Variants in ELP2 observed in about 807,000 individuals in gnomAD.
The protein encoded by ELP2 is elongator complex protein 2.
Under a neutral mutation model 119.2 loss-of-function variants are expected in ELP2, and 90 were observed. That is an observed-to-expected ratio of 0.75 (90% CI 0.64 to 0.90). ELP2 has a LOEUF of 0.90. ELP2 is among the 40% of genes least tolerant of loss of function. The pLI is 0.00. For missense variants in ELP2, 921 were observed against 967.8 expected (o/e 0.95, Z 0.64); for synonymous variants, 339 against 331.0 (o/e 1.02, Z -0.26).
intron 6 of ELP2, among the ~76,000 whole-genome samples, chr18:36,141,906 G>T (rs1486597361): frequency 6.6e-6 from 1 of 151,968 alleles, no homozygotes; most frequent in Admixed American, 6.6e-5. Flanking sequence ...GCCCCGGCTG[G>T]TCTCAGTTTC....
chr18:36,168,913 C>CTTTTTTTT, intron 19 of ELP2, among the ~76,000 whole-genome samples: 1 of 69,258 alleles, frequency 1.4e-5, no homozygotes, highest in African/African-American at 6.1e-5. Context: ...CTCTCCATTT[C>CTTTTTTTT]TTTTTTTTTT....
Position 36,177,366 on chromosome 18 carries a change from A to AT in ELP2, c.*2726dup, listed in dbSNP as rs1413522339. 1 of 152,264 alleles carries AT rather than the reference A, an allele frequency of 6.6e-6. No homozygotes were observed. The highest frequency in any genetic ancestry group is 1.5e-5 in the Non-Finnish European group (1 of 68,070). The allele number at this position is 152,264 out of a possible 1,614,324, so 9.4% of individuals were successfully genotyped here. The stretch of plus-strand genomic sequence containing the variant: ...CTGACATGTGCTGCAACATGGATGA[A>AT]TCTTGAGGACATGATGCTAAGTGAA... On this transcript the variant is annotated 3_prime_UTR_variant, in exon 22 of 22. Transcript: ENST00000358232.
intron 5 of ELP2, among the ~76,000 whole-genome samples, chr18:36,140,715 A>C (rs1028685352): frequency 6.6e-6 from 1 of 152,198 alleles, no homozygotes; most frequent in Non-Finnish European, 1.5e-5. Flanking sequence ...AAGTCCTCAA[A>C]TTAACAAACA....
chr18:36,138,521 G>A, intron 4 of ELP2, 95 bp downstream of exon 4: 1 of 1,356,656 alleles, frequency 7.4e-7, no homozygotes, highest in Non-Finnish European at 1.0e-6. Flanking sequence ...TTACAACTTT[G>A]GAGCAACTTT....
At chr18:36,171,267 C>T (rs745579552) in intron 21 of ELP2, 107 bp downstream of exon 21, 193 of 758,736 alleles carry the variant, frequency 2.5e-4, no homozygotes, top group Non-Finnish European at 4.3e-4. Context: ...TATCTGTATT[C>T]GTCGTGTCTA....
chr18:36,173,567 A>T (rs546467377), intron 21 of ELP2, among the ~76,000 whole-genome samples: 1 of 152,366 alleles, frequency 6.6e-6, no homozygotes. Context: ...GTTGAGGCAC[A>T]GCAGTCAGAG....
In ELP2 at chr18:36,164,512, A is replaced by G; in HGVS notation, c.1799A>G (p.Asn600Ser). ...GAGCATGCAGCTATCATTCTTTGGA[A>G]CACTACATCTTGGAAACAGGTGCAG... ...KKEHAAIILW[N>S]TTSWKQVQNL... The change falls in exon 18 of 22, where the codon AAC (asparagine) becomes AGC (serine). Residue 600 changes from asparagine (N) to serine (S), a missense_variant. Coordinates refer to ENST00000358232, the MANE Select transcript of ELP2 (RefSeq NM_018255.4). 6.2e-7 allele frequency: 1 copy of G among 1,614,092 alleles called. No individual in the cohort carries two copies. The highest frequency in any genetic ancestry group is 8.5e-7 in the Non-Finnish European group (1 of 1,179,954).
At chr18:36,132,071 T>C (rs1013889843) in intron 1 of ELP2, among the ~76,000 whole-genome samples, 3 of 151,240 alleles carry the variant, frequency 2.0e-5, no homozygotes, top group Non-Finnish European at 4.4e-5. Flanking sequence ...CCCCCACACC[T>C]GGCCAATTTT....
At chr18:36,139,271 C>A in intron 5 of ELP2, 1 of 704,212 alleles carries the variant, frequency 1.4e-6, no homozygotes, top group Non-Finnish European at 2.3e-6. Context: ...CCTTCACATC[C>A]CGAATAATGA....
Position 36,164,790 on chromosome 18 carries a change from C to T in ELP2, c.1954+123C>T, listed in dbSNP as rs1029261357. 6 of 938,896 alleles carry T rather than the reference C, an allele frequency of 6.4e-6. No homozygotes were observed. In the East Asian group the frequency reaches 1.3e-4, roughly 20 times the overall value. 58.2% of individuals were successfully genotyped at this position (938,896 alleles called of 1,614,324 possible). On this transcript the variant is annotated intron_variant, in intron 18 of 21. Coordinates refer to ENST00000358232, the MANE Select transcript of ELP2 (RefSeq NM_018255.4). Reference sequence around the variant, plus strand: ...AGGGTAGAGCCTCATGTCTTTGAAGCCTTTCAAAGTTCTTGGATAACTGAG... The same window carrying T: ...AGGGTAGAGCCTCATGTCTTTGAAGTCTTTCAAAGTTCTTGGATAACTGAG...
rs762534996 is a variant in ELP2 at position 36,154,844 on chromosome 18, T to C, written c.1126-6T>C. 9 of 1,614,078 alleles carry C rather than the reference T, an allele frequency of 5.6e-6. No homozygotes were observed. Among genetic ancestry groups the C allele is most frequent in the Non-Finnish European group, 7.6e-6 (9 of 1,180,010 alleles). On this transcript the variant is annotated splice_region_variant and splice_polypyrimidine_tract_variant and intron_variant, in intron 11 of 21. Transcript: ENST00000358232. ...TTGATATGTGATATGAGCACTTCCATTGCAGAGAGAGTGGACTCCAGAGAT... is the reference window on the plus strand; with the variant it reads ...TTGATATGTGATATGAGCACTTCCACTGCAGAGAGAGTGGACTCCAGAGAT...
rs60227416 is a variant in ELP2, at chr18:36,155,264, TCCC to T, written c.1275+274_1275+276del. 5.8e-4 allele frequency among the ~76,000 whole-genome samples: 58 copies of T among 100,290 alleles called. 3 individuals carry two copies. The highest frequency in any genetic ancestry group is 9.5e-3 in the Middle Eastern group (2 of 210). 65.8% of individuals were successfully genotyped at this position (100,290 alleles called of 152,430 possible). ...CTGACCTCAGGTGATGCACCGCCCC[TCCC>T]CCCCCCCCGCCTCCCAAAGTGCTGG... On this transcript the variant is annotated intron_variant, in intron 12 of 21. Transcript: ENST00000358232.
chr18:36,166,319 G>GTTTTTTTTTTTTTTTTTTTTT (rs60477950), intron 18 of ELP2, among the ~76,000 whole-genome samples: 2 of 71,650 alleles, frequency 2.8e-5, no homozygotes, highest in African/African-American at 1.1e-4. Context: ...GTTTTTTAGG[G>GTTTTTTTTTTTTTTTTTTTTT]TTTTTTTTTT....
rs142823489 is a variant in ELP2 at position 36,146,433 on chromosome 18, T to C, written c.1125+52T>C. Reference sequence around the variant, plus strand: ...ATTTCTAATCAAATAGAGTACATTCTAGGTAAATAGTATTTTGCTTATAAC... The same window carrying C: ...ATTTCTAATCAAATAGAGTACATTCCAGGTAAATAGTATTTTGCTTATAAC... On this transcript the variant is annotated intron_variant, in intron 11 of 21. Transcript: ENST00000358232. 1.6e-4 allele frequency: 255 copies of C among 1,585,534 alleles called. No homozygotes were observed. The African/African-American group carries it at 2.9e-3, about 18-fold the overall frequency.
rs555996692 is a variant in ELP2, at chr18:36,168,593, A to G, written c.2076+1371A>G. Among the ~76,000 whole-genome samples, 339 of 152,282 alleles carry G rather than the reference A, an allele frequency of 2.2e-3. 1 individual carries two copies. Among genetic ancestry groups the G allele is most frequent in the African/African-American group, 7.8e-3 (325 of 41,550 alleles). Reference sequence around the variant, plus strand: ...CAGATCTCGTGAGAACTCACTCACTATCATGAGAAGAGCATGGAGGTAACC... The same window carrying G: ...CAGATCTCGTGAGAACTCACTCACTGTCATGAGAAGAGCATGGAGGTAACC... On this transcript the variant is annotated intron_variant, in intron 19 of 21. Coordinates refer to ENST00000358232, the MANE Select transcript of ELP2 (RefSeq NM_018255.4).
intron 1 of ELP2, among the ~76,000 whole-genome samples, chr18:36,132,069 C>T (rs1239377333): frequency 6.6e-6 from 1 of 151,846 alleles, no homozygotes; most frequent in Non-Finnish European, 1.5e-5. Flanking sequence ...CACCCCCACA[C>T]CTGGCCAATT....
intron 11 of ELP2, among the ~76,000 whole-genome samples, chr18:36,148,209 T>C (rs2090275980): frequency 6.6e-6 from 1 of 151,502 alleles, no homozygotes; most frequent in African/African-American, 2.4e-5. Flanking sequence ...TTCTCCTGCC[T>C]CAGCCTCCTG....
intron 11 of ELP2, among the ~76,000 whole-genome samples, chr18:36,150,011 G>C (rs2090348218): frequency 6.6e-6 from 1 of 152,016 alleles, no homozygotes; most frequent in Non-Finnish European, 1.5e-5. Flanking sequence ...GTTTTTTTAT[G>C]GCATGTTGAG....
chr18:36,151,742 G>GTTTTT (rs71166098), intron 11 of ELP2, among the ~76,000 whole-genome samples: 37 of 109,840 alleles, frequency 3.4e-4, no homozygotes, highest in African/African-American at 4.9e-4. Context: ...GTTCTGTTCT[G>GTTTTT]TTTTTTTTTT....
Sources: gnomAD v4.1 joint callset for allele counts (sites outside exome capture counted in the v4.1 genomes callset) on GRCh38, gnomAD v4.1.1 for gene constraint, MANE v1.5 for transcripts, NCBI Gene and HGNC (gene_info 2026-07-23, HGNC 2026-07-21) for gene names.